Variants in ARHGAP32 observed in about 807,000 individuals in gnomAD.
ARHGAP32 encodes the protein Rho GTPase activating protein 32, also known as rho GTPase-activating protein 32.
ARHGAP32 carries 51 observed loss-of-function variants against 186.5 expected under a neutral mutation model. The ratio of observed to expected loss-of-function variants is 0.27; its 90% CI spans 0.22 to 0.35. The LOEUF (loss-of-function observed/expected upper bound fraction) is 0.35, where lower values mean the gene tolerates loss of function less well. Ranked by LOEUF, ARHGAP32 falls within the 10% of genes least tolerant of loss-of-function variation. The pLI, the probability that ARHGAP32 is intolerant of heterozygous loss-of-function variation, is 1.00. For missense variants in ARHGAP32, 2,186 were observed against 2,623.5 expected (o/e 0.83, Z 3.64); for synonymous variants, 950 against 964.3 (o/e 0.99, Z 0.27).
At chr11:129,073,878 C>A (rs77299418) in intron 6 of ARHGAP32, among the ~76,000 whole-genome samples, 1 of 151,892 alleles carries the variant, frequency 6.6e-6, no homozygotes, top group Non-Finnish European at 1.5e-5. Flanking sequence ...GGGTCAAAAT[C>A]GGAATTATAT....
intron 2 of ARHGAP32, among the ~76,000 whole-genome samples, chr11:129,142,731 A>G (rs1318891135): frequency 1.3e-5 from 2 of 149,308 alleles, no homozygotes; most frequent in African/African-American, 5.0e-5. Flanking sequence ...AAAAAAAAAA[A>G]CCACTAAAAT....
chr11:129,093,736 G>A (rs766512213), intron 5 of ARHGAP32, 29 bp from the exon 6 acceptor site: 1 of 1,473,960 alleles, frequency 6.8e-7, no homozygotes, highest in Non-Finnish European at 9.3e-7. Context: ...AGAAGAGGGG[G>A]AAAGAAAGTC....
chr11:129,236,519 T>C (rs749850541), intron 1 of ARHGAP32, among the ~76,000 whole-genome samples: 3 of 152,192 alleles, frequency 2.0e-5, no homozygotes, highest in South Asian at 2.1e-4. Context: ...ATTCTGTAGG[T>C]TGTCTGTTTG....
chr11:129,250,920 A>G (rs1945173776), intron 1 of ARHGAP32, among the ~76,000 whole-genome samples: 1 of 152,240 alleles, frequency 6.6e-6, no homozygotes, highest in Non-Finnish European at 1.5e-5. Flanking sequence ...ACCCATAAGC[A>G]GTGTATGAAT....
intron 1 of ARHGAP32, among the ~76,000 whole-genome samples, chr11:129,272,422 G>C (rs1225085607): frequency 6.6e-6 from 1 of 152,202 alleles, no homozygotes; most frequent in African/African-American, 2.4e-5. Flanking sequence ...TGCAAAAGGG[G>C]ATAAAGAGAA....
At chr11:129,158,944 C>T (rs980356758) in intron 2 of ARHGAP32, among the ~76,000 whole-genome samples, 14 of 152,168 alleles carry the variant, frequency 9.2e-5, no homozygotes, top group African/African-American at 3.4e-4. Flanking sequence ...GAACAATCTG[C>T]ACCTGAATGA....
intron 2 of ARHGAP32, among the ~76,000 whole-genome samples, chr11:129,133,170 A>T (rs1942854624): frequency 6.6e-6 from 1 of 152,180 alleles, no homozygotes. Context: ...TGACAGAGAA[A>T]AGAGTCAGTG....
intron 11 of ARHGAP32, among the ~76,000 whole-genome samples, chr11:129,019,420 C>T (rs1451644906): frequency 6.6e-6 from 1 of 152,100 alleles, no homozygotes; most frequent in Non-Finnish European, 1.5e-5. Flanking sequence ...CAAAATAATT[C>T]ACATTCAAAA....
chr11:129,196,058 C>T (rs1944386797), upstream of ARHGAP32, among the ~76,000 whole-genome samples: 1 of 152,202 alleles, frequency 6.6e-6, no homozygotes, highest in Middle Eastern at 3.2e-3. Context: ...TCATCTTCTA[C>T]CTCCAAGAGG....
intron 1 of ARHGAP32, among the ~76,000 whole-genome samples, chr11:129,243,350 T>C (rs1035290764): frequency 6.6e-5 from 10 of 152,206 alleles, no homozygotes; most frequent in African/African-American, 2.4e-4. Flanking sequence ...CACATTAGTT[T>C]CCTTTTCATA....
At chr11:129,263,522 A>G (rs1342463588) in intron 1 of ARHGAP32, among the ~76,000 whole-genome samples, 8 of 146,856 alleles carry the variant, frequency 5.4e-5, no homozygotes, top group Non-Finnish European at 1.5e-5. Context: ...CCATGATAAG[A>G]TATCACCTTA....
rs2136051551 is a variant in ARHGAP32 at position 128,967,769 on chromosome 11, A to C, written c.*1138T>G. On this transcript the variant is annotated 3_prime_UTR_variant, in exon 23 of 23. Coordinates refer to ENST00000682385, the MANE Select transcript of ARHGAP32 (RefSeq NM_001378024.1). Reference sequence around the variant, plus strand: ...CACTGGTGAAACGGGGCTGTGAACTAAGCAGTTATTGCAGGAACTTGCAGT... The same window carrying C: ...CACTGGTGAAACGGGGCTGTGAACTCAGCAGTTATTGCAGGAACTTGCAGT... 1 of 152,316 alleles carries C rather than the reference A, an allele frequency of 6.6e-6. No individual in the cohort carries two copies. Among genetic ancestry groups the C allele is most frequent in the Non-Finnish European group, 1.5e-5 (1 of 68,024 alleles). 9.4% of individuals were successfully genotyped at this position (152,316 alleles called of 1,614,324 possible).
At chr11:128,987,369 T>G (rs1638235139) in intron 13 of ARHGAP32, among the ~76,000 whole-genome samples, 1 of 152,178 alleles carries the variant, frequency 6.6e-6, no homozygotes, top group African/African-American at 2.4e-5. Flanking sequence ...CTGTCTTTAG[T>G]ACAAGGACTA....
intron 1 of ARHGAP32, among the ~76,000 whole-genome samples, chr11:129,277,114 C>T (rs147153894): frequency 1.0e-3 from 154 of 152,196 alleles, no homozygotes; most frequent in African/African-American, 3.4e-3. Flanking sequence ...TTATTACATG[C>T]GTCTACGATC....
intron 5 of ARHGAP32, among the ~76,000 whole-genome samples, chr11:129,101,240 GT>G (rs1361684416): frequency 1.3e-5 from 2 of 152,154 alleles, no homozygotes; most frequent in African/African-American, 4.8e-5. Flanking sequence ...CTAAAAGACT[GT>G]ACATAAGCCC....
chr11:129,085,566 G>A (rs1265567417), intron 6 of ARHGAP32, among the ~76,000 whole-genome samples: 4 of 152,114 alleles, frequency 2.6e-5, no homozygotes, highest in Non-Finnish European at 5.9e-5. Flanking sequence ...TACAATTCCA[G>A]TCAAAATCCC....
chr11:129,278,851 G>A (rs540717546), intron 1 of ARHGAP32, among the ~76,000 whole-genome samples: 2 of 150,956 alleles, frequency 1.3e-5, no homozygotes, highest in South Asian at 2.1e-4. Context: ...GGCCCGGGGC[G>A]GAGAGCGCTG....
chr11:129,197,176 GTC>G (rs1944403100), upstream of ARHGAP32, among the ~76,000 whole-genome samples: 1 of 152,186 alleles, frequency 6.6e-6, no homozygotes, highest in Admixed American at 6.5e-5. Flanking sequence ...TAGCCTAGAC[GTC>G]TCTGATCTCA....
intron 1 of ARHGAP32, among the ~76,000 whole-genome samples, chr11:129,187,129 GATGA>G (rs1944178589): frequency 6.6e-6 from 1 of 152,124 alleles, no homozygotes; most frequent in Admixed American, 6.6e-5. Flanking sequence ...TCCATCAATG[GATGA>G]ATGGATAAAG....
Sources: allele counts gnomAD v4.1 joint callset (sites outside exome capture counted in the v4.1 genomes callset), GRCh38; gene constraint gnomAD v4.1.1; transcripts MANE v1.5; gene names NCBI Gene and HGNC (gene_info 2026-07-23, HGNC 2026-07-21).